Variants in PRKDC observed in about 807,000 individuals in gnomAD.
PRKDC encodes the protein protein kinase, DNA-activated, catalytic subunit.
Under a neutral mutation model 486.9 loss-of-function variants are expected in PRKDC, and 82 were observed. The ratio of observed to expected loss-of-function variants is 0.17; its 90% CI spans 0.14 to 0.20. PRKDC has a LOEUF of 0.20. Among genes scored for constraint, PRKDC ranks in the 10% least tolerant of loss-of-function variants. PRKDC has a pLI of 1.00. For missense variants in PRKDC, 4,504 were observed against 5,038.2 expected (o/e 0.89, Z 3.21); for synonymous variants, 1,895 against 1,837.0 (o/e 1.03, Z -0.81).
chr8:47,827,995 GA>G (rs976452874), intron 62 of PRKDC, among the ~76,000 whole-genome samples, 172 bp downstream of exon 62: 9 of 151,922 alleles, frequency 5.9e-5, no homozygotes, highest in Middle Eastern at 3.4e-3. Flanking sequence ...TTTCTGGGGG[GA>G]AAAAATAAAT....
At chr8:47,935,356 C>T (rs936302052) in intron 13 of PRKDC, among the ~76,000 whole-genome samples, 2 of 151,842 alleles carry the variant, frequency 1.3e-5, no homozygotes, top group Admixed American at 6.6e-5. Flanking sequence ...AAAAATTAGC[C>T]GGGCATGGTG....
intron 3 of PRKDC, among the ~76,000 whole-genome samples, chr8:47,956,957 A>G (rs1278058897): frequency 6.9e-6 from 1 of 145,254 alleles, no homozygotes; most frequent in Non-Finnish European, 1.5e-5. Context: ...CTAATGGGCA[A>G]CAAGAGCAAA....
At chr8:47,888,876 T>G in intron 33 of PRKDC, 138 bp downstream of exon 33, 4 of 1,076,888 alleles carry the variant, frequency 3.7e-6, no homozygotes, top group Non-Finnish European at 5.3e-6. Flanking sequence ...TCTAAACAAC[T>G]ATTGAGGTCA....
At position 47,810,448 on chromosome 8, in the gene PRKDC, T is replaced by G. The variant is rs2087303065; in HGVS notation, c.9558-3122A>C. Among the ~76,000 whole-genome samples the G allele has an allele frequency of 2.0e-5, 3 of 152,238 alleles. No individual in the cohort carries two copies. The South Asian group carries it at 6.2e-4, about 32-fold the overall frequency. The stretch of plus-strand genomic sequence containing the variant: ...TAGGTAAAAACAGTATACATAAGGT[T>G]TGGTATTATCCATGGTTTCAGGATT... On this transcript the variant is annotated intron_variant, in intron 68 of 85. Transcript: ENST00000314191.
At chr8:47,941,397 A>G (rs921216154) in intron 10 of PRKDC, among the ~76,000 whole-genome samples, 2 of 152,182 alleles carry the variant, frequency 1.3e-5, no homozygotes, top group African/African-American at 4.8e-5. Flanking sequence ...ACCTGGTAAC[A>G]ATGTGACTCG....
chr8:47,810,417 TA>T (rs2087302364), intron 68 of PRKDC, among the ~76,000 whole-genome samples: 1 of 152,244 alleles, frequency 6.6e-6, no homozygotes. Flanking sequence ...CATATGTGTG[TA>T]TGTATAGGTA....
intron 1 of PRKDC, among the ~76,000 whole-genome samples, chr8:47,959,690 A>C (rs1355706846): frequency 6.6e-6 from 1 of 152,042 alleles, no homozygotes; most frequent in African/African-American, 2.4e-5. Flanking sequence ...AAAAAAAAAA[A>C]AATTATTTCT....
rs1452622093 is a variant in PRKDC at position 47,912,547 on chromosome 8, G to C, written c.2797C>G (p.Leu933Val). 1.2e-6 allele frequency: 2 copies of C among 1,611,268 alleles called. No homozygotes were observed. The highest frequency in any genetic ancestry group is 1.3e-5 in the African/African-American group (1 of 74,944). Residue 933 changes from leucine (L) to valine (V), a missense_variant, in exon 25 of 86, where the codon CTT becomes GTT. This residue lies in a region of PRKDC where 1,969 missense variants were observed against 2,068.9 expected (regional missense o/e 0.95). Coordinates refer to ENST00000314191, the MANE Select transcript of PRKDC (RefSeq NM_006904.7). Reference sequence around the variant, plus strand: ...ATAAACATAACCATGCTATGTAAAAGTTCACAGGCTGCAACCTAAAACAGA... The same window carrying C: ...ATAAACATAACCATGCTATGTAAAACTTCACAGGCTGCAACCTAAAACAGA... ...DRQTKVAACE[L>V]LHSMVMFMLG...
intron 83 of PRKDC, 28 bp downstream of exon 83, chr8:47,778,431 C>T (rs1044478231): frequency 1.3e-5 from 21 of 1,601,540 alleles, no homozygotes; most frequent in Non-Finnish European, 1.6e-5. Flanking sequence ...TCGCCTTGCC[C>T]AGGATCACGA....
chr8:47,927,389 A>C (rs773875401), intron 20 of PRKDC, 36 bp from the exon 21 acceptor site: 2 of 1,572,566 alleles, frequency 1.3e-6, no homozygotes, highest in Non-Finnish European at 1.7e-6. Flanking sequence ...ACTGAAACGC[A>C]GGAAATATAA....
At chr8:47,783,845 G>T in intron 77 of PRKDC, 36 bp from the exon 78 acceptor site, 1 of 1,593,836 alleles carries the variant, frequency 6.3e-7, no homozygotes, top group Non-Finnish European at 8.6e-7. Context: ...GGAACAGCTT[G>T]TTAGACAACC....
At chr8:47,925,828 A>G (rs1028225887) in intron 21 of PRKDC, among the ~76,000 whole-genome samples, 1 of 152,236 alleles carries the variant, frequency 6.6e-6, no homozygotes, top group Non-Finnish European at 1.5e-5. Context: ...CAAAATCTTA[A>G]TAACTGGTGA....
intron 71 of PRKDC, among the ~76,000 whole-genome samples, chr8:47,800,304 T>C (rs367753251): frequency 0.023 from 3,445 of 152,152 alleles, 53 homozygotes; most frequent in Non-Finnish European, 0.035. Context: ...TCATGTCCTT[T>C]GTAGGGACAT....
rs1277369459 is a variant in PRKDC, at chr8:47,935,847, G to A, written c.1332C>T (p.Asp444=). Residue 444 remains aspartate (D), a synonymous_variant, in exon 13 of 86, where the codon GAC becomes GAT. Coordinates refer to ENST00000314191, the MANE Select transcript of PRKDC (RefSeq NM_006904.7). ...VLEHLVVMQI[D]SFPQYSPKMQ... ...TTTTTGGACTGTACTGTGGGAAACT[G>A]TCTATCTGCATCACCACGAGGTGCT... is the stretch of plus-strand genomic sequence containing the variant. 1.2e-6 allele frequency: 2 copies of A among 1,613,818 alleles called. No homozygotes were observed. Among genetic ancestry groups the A allele is most frequent in the African/African-American group, 1.3e-5 (1 of 74,916 alleles).
chr8:47,936,074 C>A (rs910021445), intron 12 of PRKDC, among the ~76,000 whole-genome samples, 174 bp from the exon 13 acceptor site: 2 of 141,630 alleles, frequency 1.4e-5, no homozygotes, highest in Non-Finnish European at 3.0e-5. Context: ...AAAAAAAAAA[C>A]ACACACTCAG....
Position 47,854,157 on chromosome 8 carries a change from C to T in PRKDC, c.6819G>A (p.Gly2273=). 1 of 1,613,662 alleles carries T rather than the reference C, an allele frequency of 6.2e-7. No homozygotes were observed. The highest frequency in any genetic ancestry group is 8.5e-7 in the Non-Finnish European group (1 of 1,179,572). ...KDPNSKDNSV[G]IQLLGIVMAN... ...CCATCACGATGCCTAGCAATTGAAT[C>T]CCTACTGAGTTGTCTTTAGAATTAG... The change falls in exon 51 of 86, where the codon GGG becomes GGA. Residue 2273 remains glycine (G), a synonymous_variant. Coordinates refer to ENST00000314191, the MANE Select transcript of PRKDC (RefSeq NM_006904.7).
At chr8:47,952,795 T>G (rs1240926725) in intron 7 of PRKDC, among the ~76,000 whole-genome samples, 1 of 151,872 alleles carries the variant, frequency 6.6e-6, no homozygotes, top group Admixed American at 6.6e-5. Flanking sequence ...CCAGAGCCCA[T>G]GAGTTTGAGA....
chr8:47,887,793 A>G lies in PRKDC; in HGVS notation c.4414-88T>C. 3.7e-6 allele frequency: 5 copies of G among 1,360,856 alleles called. No homozygotes were observed. In the South Asian group the frequency reaches 6.1e-5, roughly 17 times the overall value. 84.3% of individuals were successfully genotyped at this position (1,360,856 alleles called of 1,614,324 possible). A position where few individuals can be genotyped will look rare whatever the true frequency, so the allele number is the denominator to read the frequency against. ...ACTCCTCTCATTAAATAAAAAACCC[A>G]CTTCAGATAGCACTGACAACTACCT... On this transcript the variant is annotated intron_variant, in intron 34 of 85. Coordinates refer to ENST00000314191, the MANE Select transcript of PRKDC (RefSeq NM_006904.7).
intron 54 of PRKDC, among the ~76,000 whole-genome samples, chr8:47,847,026 A>G (rs2088282234): frequency 6.6e-6 from 1 of 152,214 alleles, no homozygotes; most frequent in East Asian, 1.9e-4. Context: ...AAATGAAAAA[A>G]CGGATTAGAA....
Sources: gnomAD v4.1 joint callset for allele counts (sites outside exome capture counted in the v4.1 genomes callset) on GRCh38, gnomAD v4.1.1 for gene constraint, gnomAD v4.1.1 regional missense constraint, MANE v1.5 for transcripts, NCBI Gene and HGNC (gene_info 2026-07-23, HGNC 2026-07-21) for gene names.